The following TGFBR2 variants were observed in gnomAD, a reference collection of about 807,000 sequenced individuals.
TGFBR2 encodes TGF-beta receptor type-2.
A neutral mutation model predicts 49.0 loss-of-function variants in TGFBR2; 18 were observed. The ratio of observed to expected loss-of-function variants is 0.37; its 90% CI spans 0.25 to 0.54. The LOEUF (loss-of-function observed/expected upper bound fraction) is 0.54, where lower values mean the gene tolerates loss of function less well. Ranked by LOEUF, TGFBR2 falls within the 20% of genes least tolerant of loss-of-function variation. The pLI, the probability that TGFBR2 is intolerant of heterozygous loss-of-function variation, is 0.85. For synonymous variants in TGFBR2, 282 were observed against 275.9 expected (o/e 1.02, Z -0.22); for missense variants, 525 against 722.6 (o/e 0.73, Z 3.13).
Position 30,686,050 on chromosome 3 carries a change from AG to A in TGFBR2, c.1397-2333del, listed in dbSNP as rs1699614948. 3.3e-5 allele frequency among the ~76,000 whole-genome samples: 5 copies of A among 152,344 alleles called. No individual in the cohort carries two copies. The South Asian group carries it at 1.0e-3, about 32-fold the overall frequency. The stretch of plus-strand genomic sequence containing the variant: ...TAAATCTGAAGAGGAACATGGAGGT[AG>A]CTCAGTTCAGTATATTCATTTTATA... On this transcript the variant is annotated intron_variant, in intron 5 of 6. Coordinates refer to ENST00000295754, the MANE Select transcript of TGFBR2 (RefSeq NM_003242.6).
chr3:30,614,573 C>T (rs56402737), intron 1 of TGFBR2, among the ~76,000 whole-genome samples: 9,302 of 152,256 alleles, frequency 0.061, 354 homozygotes, highest in South Asian at 0.17. Context: ...CTTATTTCCC[C>T]TGTAGCTTTT....
rs541559287 is a variant in TGFBR2, at chr3:30,653,816, A to G, written c.454+3356A>G. On this transcript the variant is annotated intron_variant, in intron 3 of 6. Transcript: ENST00000295754. ...ATGATAGTTAATATTCAGAGAAAAC[A>G]TACTGTCGCTGTGCAGGGAGCTCAG... Among the ~76,000 whole-genome samples, 26 of 152,316 alleles carry G rather than the reference A, an allele frequency of 1.7e-4. 1 individual carries two copies. In the South Asian group the frequency reaches 5.4e-3, roughly 32 times the overall value.
Position 30,674,491 on chromosome 3 carries a change from T to C in TGFBR2, c.1396+245T>C, listed in dbSNP as rs923167478. On this transcript the variant is annotated intron_variant, in intron 5 of 6. Coordinates refer to ENST00000295754, the MANE Select transcript of TGFBR2 (RefSeq NM_003242.6). The stretch of plus-strand genomic sequence containing the variant: ...ATAAACCTTTGTATAATTACTCTTC[T>C]CTTGACACATCTCTTCACAGTTATT... Among the ~76,000 whole-genome samples the C allele has an allele frequency of 3.9e-5, 6 of 152,224 alleles. No homozygotes were observed. The East Asian group carries it at 5.8e-4, about 15-fold the overall frequency.
At chr3:30,630,068 A>C (rs1366338362) in intron 1 of TGFBR2, among the ~76,000 whole-genome samples, 1 of 152,176 alleles carries the variant, frequency 6.6e-6, no homozygotes, top group Non-Finnish European at 1.5e-5. Context: ...ACATTTTTAC[A>C]CTGGACATCA....
chr3:30,615,566 A>G (rs1362510541), intron 1 of TGFBR2, among the ~76,000 whole-genome samples: 6 of 152,304 alleles, frequency 3.9e-5, no homozygotes, highest in African/African-American at 1.4e-4. Flanking sequence ...TATTCTCTCA[A>G]TAGAGAATAT....
At chr3:30,627,710 A>G (rs1698359530) in intron 1 of TGFBR2, among the ~76,000 whole-genome samples, 1 of 151,858 alleles carries the variant, frequency 6.6e-6, no homozygotes, top group Non-Finnish European at 1.5e-5. Context: ...AGGAAGTTCT[A>G]TTGAACAGTG....
chr3:30,628,528 G>GTTTT (rs569832149), intron 1 of TGFBR2, among the ~76,000 whole-genome samples: 2,612 of 80,114 alleles, frequency 0.033, 115 homozygotes, highest in Non-Finnish European at 0.048. Flanking sequence ...AAGCCTGTGG[G>GTTTT]TTTTTTTTTT....
At chr3:30,623,898 T>C (rs2125454615) in intron 1 of TGFBR2, among the ~76,000 whole-genome samples, 1 of 152,300 alleles carries the variant, frequency 6.6e-6, no homozygotes, top group East Asian at 1.9e-4. Flanking sequence ...TCCCAGCACT[T>C]TGTGAGGCCA....
intron 5 of TGFBR2, among the ~76,000 whole-genome samples, chr3:30,681,671 A>G (rs529066461): frequency 1.3e-5 from 2 of 152,286 alleles, no homozygotes; most frequent in Admixed American, 6.5e-5. Context: ...GGTTTTTTAG[A>G]AAAGATGCCG....
At chr3:30,632,312 T>A (rs1698452880) in intron 1 of TGFBR2, among the ~76,000 whole-genome samples, 1 of 152,208 alleles carries the variant, frequency 6.6e-6, no homozygotes, top group Non-Finnish European at 1.5e-5. Flanking sequence ...GCCTGATAAA[T>A]GTGCAGGAGT....
At chr3:30,687,767 C>A (rs1479615570) in intron 5 of TGFBR2, among the ~76,000 whole-genome samples, 2 of 152,174 alleles carry the variant, frequency 1.3e-5, no homozygotes, top group Non-Finnish European at 2.9e-5. Context: ...GCCCCCTGGA[C>A]AACCACCATT....
chr3:30,609,742 A>G lies in TGFBR2; in HGVS notation c.94+2765A>G, dbSNP rs1021523257. ...TGATCAGGTTCTTCACATCACTTTA[A>G]TAACCTGCTTATTTTGTCAGGGTAA... On this transcript the variant is annotated intron_variant, in intron 1 of 6. Coordinates refer to ENST00000295754, the MANE Select transcript of TGFBR2 (RefSeq NM_003242.6). 2.6e-4 allele frequency among the ~76,000 whole-genome samples: 40 copies of G among 152,238 alleles called. 1 individual carries two copies. The highest frequency in any genetic ancestry group is 2.2e-3 in the Admixed American group (34 of 15,284).
rs1424646103 is a variant in TGFBR2, at chr3:30,671,841, C to T, written c.658C>T (p.Leu220=). Residue 220 remains leucine (L), a synonymous_variant, in exon 4 of 7, where the codon CTG becomes TTG. Transcript: ENST00000295754. ...GTTCAGCGAGCACTGTGCCATCATC[C>T]TGGAAGATGACCGCTCTGACATCAG... The part of the protein sequence containing the change: ...MEFSEHCAII[L]EDDRSDISST... 5.0e-6 allele frequency: 8 copies of T among 1,614,094 alleles called. No individual in the cohort carries two copies. The highest frequency in any genetic ancestry group is 5.9e-6 in the Non-Finnish European group (7 of 1,180,046).
chr3:30,672,148 G>A lies in TGFBR2; in HGVS notation c.965G>A (p.Trp322Ter). The change falls in exon 4 of 7, where the codon TGG becomes TAG. Residue 322 changes from tryptophan (W) to a stop codon, truncating the protein, a stop_gained. Transcript: ENST00000295754. LOFTEE classifies it high-confidence loss of function. This position sits in a 1 kb window ranked among gnomAD's most constrained non-coding sequence, Gnocchi z 4.5. ...ERKTELGKQY[W>*]LITAFHAKGN... ...AAGACGGAGTTGGGGAAACAATACT[G>A]GCTGATCACCGCCTTCCACGCCAAG... The A allele has an allele frequency of 6.2e-7, 1 of 1,614,152 alleles. No homozygotes were observed. The highest frequency in any genetic ancestry group is 8.5e-7 in the Non-Finnish European group (1 of 1,180,016).
rs112325147 is a variant in TGFBR2 at position 30,624,802 on chromosome 3, T to G, written c.94+17825T>G. Among the ~76,000 whole-genome samples the G allele has an allele frequency of 2.8e-3, 423 of 152,362 alleles. 4 individuals carry two copies. Among genetic ancestry groups the G allele is most frequent in the Non-Finnish European group, 3.7e-3 (253 of 68,040 alleles). Reference sequence around the variant, plus strand: ...TTCTTGAAGAACACATTAAATTAGCTCTCACACTGTGGTGTGGACTTCTTT... The same window carrying G: ...TTCTTGAAGAACACATTAAATTAGCGCTCACACTGTGGTGTGGACTTCTTT... On this transcript the variant is annotated intron_variant, in intron 1 of 6. Transcript: ENST00000295754.
At chr3:30,686,780 T>C (rs942192024) in intron 5 of TGFBR2, among the ~76,000 whole-genome samples, 5 of 152,230 alleles carry the variant, frequency 3.3e-5, no homozygotes, top group Admixed American at 3.3e-4. Context: ...AGTACTGGGA[T>C]GTTTTCTATC....
In TGFBR2 at chr3:30,643,419, T is replaced by A. The variant is rs531317600; in HGVS notation, c.95-1328T>A. Among the ~76,000 whole-genome samples the A allele has an allele frequency of 3.9e-5, 6 of 152,346 alleles. No individual in the cohort carries two copies. In the East Asian group the frequency reaches 1.2e-3, roughly 29 times the overall value. The stretch of plus-strand genomic sequence containing the variant: ...TCATGTCTTAAACATCATCACCATC[T>A]CATTGAGGAAGAAAATGGGGAATGG... On this transcript the variant is annotated intron_variant, in intron 1 of 6. Transcript: ENST00000295754.
chr3:30,675,394 T>A (rs1273568298), intron 5 of TGFBR2, among the ~76,000 whole-genome samples: 2 of 10,254 alleles, frequency 2.0e-4, no homozygotes, highest in Non-Finnish European at 4.1e-4. Flanking sequence ...AACTCCACCC[T>A]TTTTTTTTTT....
intron 1 of TGFBR2, among the ~76,000 whole-genome samples, chr3:30,609,193 A>G (rs1288012057): frequency 6.6e-6 from 1 of 152,226 alleles, no homozygotes. Flanking sequence ...TTGAATTTGT[A>G]TTCATTTGAT....
Sources: allele counts gnomAD v4.1 joint callset (sites outside exome capture counted in the v4.1 genomes callset), GRCh38; gene constraint gnomAD v4.1.1; non-coding constraint Gnocchi (gnomAD v3.1); transcripts MANE v1.5; gene names NCBI Gene and HGNC (gene_info 2026-07-23, HGNC 2026-07-21).